SLC35B1: variants seen among roughly 807,000 people sequenced by gnomAD.
SLC35B1 encodes solute carrier family 35 member B1.
A neutral mutation model predicts 36.6 loss-of-function variants in SLC35B1; 27 were observed. That is an observed-to-expected ratio of 0.74 (90% CI 0.54 to 1.02). SLC35B1 has a LOEUF of 1.02. Ranked by LOEUF, SLC35B1 falls within the 50% of genes least tolerant of loss-of-function variation. SLC35B1 has a pLI of 0.00. For synonymous variants in SLC35B1, 162 were observed against 152.5 expected (o/e 1.06, Z -0.46); for missense variants, 321 against 383.2 (o/e 0.84, Z 1.35).
intron 5 of SLC35B1, 129 bp from the exon 6 acceptor site, chr17:49,704,355 GC>G: frequency 1.7e-6 from 2 of 1,201,836 alleles, no homozygotes; most frequent in South Asian, 1.5e-5. Context: ...ACAAAACGTT[GC>G]CATTTGGTCA....
intron 5 of SLC35B1, 125 bp from the exon 6 acceptor site, chr17:49,704,351 C>A: frequency 8.0e-7 from 1 of 1,246,424 alleles, no homozygotes; most frequent in Admixed American, 2.4e-5. Flanking sequence ...CAGAACAAAA[C>A]GTTGCCATTT....
At chr17:49,707,184 C>A in intron 1 of SLC35B1, 116 bp from the exon 2 acceptor site, 1 of 1,328,362 alleles carries the variant, frequency 7.5e-7, no homozygotes. Flanking sequence ...TGGATGTAGG[C>A]AGAGTTTGTT....
At position 49,703,024 on chromosome 17, in the gene SLC35B1, A is replaced by G; in HGVS notation, c.763-13T>C. On this transcript the variant is annotated splice_polypyrimidine_tract_variant and intron_variant, in intron 7 of 8. Coordinates refer to ENST00000240333, the MANE Select transcript of SLC35B1 (RefSeq NM_005827.4). ...TAAAGATGAAGCTCTAGAGAAAGATAAAGGTGAGGTCCGGTGGGCTTCTGG... is the reference window on the plus strand; with the variant it reads ...TAAAGATGAAGCTCTAGAGAAAGATGAAGGTGAGGTCCGGTGGGCTTCTGG... 6 of 1,614,034 alleles carry G rather than the reference A, an allele frequency of 3.7e-6. No individual in the cohort carries two copies. Among genetic ancestry groups the G allele is most frequent in the Non-Finnish European group, 5.1e-6 (6 of 1,180,000 alleles).
At position 49,703,174 on chromosome 17, in the gene SLC35B1, T is replaced by C; in HGVS notation, c.762+14A>G. On this transcript the variant is annotated intron_variant, in intron 7 of 8. Coordinates refer to ENST00000240333, the MANE Select transcript of SLC35B1 (RefSeq NM_005827.4). ...AGAGTAGGGAAGCCAAGCCATCCCC[T>C]TTCAAGCACTCACCTGACCCAGGGC... is the stretch of plus-strand genomic sequence containing the variant. The C allele has an allele frequency of 1.9e-6, 3 of 1,603,936 alleles. No homozygotes were observed. Among genetic ancestry groups the C allele is most frequent in the Non-Finnish European group, 2.6e-6 (3 of 1,170,832 alleles).
chr17:49,701,484 T>C lies in SLC35B1; in HGVS notation c.943A>G (p.Lys315Glu). 4 of 1,613,888 alleles carry C rather than the reference T, an allele frequency of 2.5e-6. No individual in the cohort carries two copies. The highest frequency in any genetic ancestry group is 3.4e-6 in the Non-Finnish European group (4 of 1,179,838). ...LGLGLDAKFG[K>E]GAKKTSH ...TAGTGGGATGTCTTCTTAGCTCCTT[T>C]CCCAAACTTGGCATCAAGACCAAGA... Residue 315 changes from lysine (K) to glutamate (E), a missense_variant, in exon 9 of 9, where the codon AAA becomes GAA. By Grantham distance (56) the Lys-to-Glu change is moderately conservative (BLOSUM62 1). Coordinates refer to ENST00000240333, the MANE Select transcript of SLC35B1 (RefSeq NM_005827.4).
At chr17:49,706,932 G>C (rs780904940) in intron 2 of SLC35B1, 33 bp downstream of exon 2, 1 of 1,495,830 alleles carries the variant, frequency 6.7e-7, no homozygotes, top group Non-Finnish European at 9.3e-7. Context: ...TGGGGTGGTG[G>C]GGTACCCAAC....
At position 49,702,877 on chromosome 17, in the gene SLC35B1, G is replaced by GCCCA. The variant is rs778050925; in HGVS notation, c.893_896dup (p.Thr300GlyfsTer12). The stretch of plus-strand genomic sequence containing the variant: ...ACTTACCCAGGAACACAAGCACAGT[G>GCCCA]CCCACCCACTGCATGGGGCTGATGG... On this transcript the variant is annotated frameshift_variant, in exon 8 of 9. Transcript: ENST00000240333. LOFTEE classifies it high-confidence loss of function. The GCCCA allele has an allele frequency of 1.2e-6, 2 of 1,614,162 alleles. No individual in the cohort carries two copies. The highest frequency in any genetic ancestry group is 1.7e-6 in the Non-Finnish European group (2 of 1,180,018).
At chr17:49,704,247 C>T in intron 5 of SLC35B1, 21 bp from the exon 6 acceptor site, 8 of 1,611,328 alleles carry the variant, frequency 5.0e-6, no homozygotes, top group Non-Finnish European at 5.9e-6. Flanking sequence ...AAGGGTGCAG[C>T]CTGCAGTGAA....
At chr17:49,701,850 G>A (rs1229663025) in intron 8 of SLC35B1, 1 of 347,162 alleles carries the variant, frequency 2.9e-6, no homozygotes, top group Non-Finnish European at 5.7e-6. Flanking sequence ...AGCATTTTGG[G>A]AGACTGAGGC....
In SLC35B1 at chr17:49,705,151, G is replaced by A; in HGVS notation, c.501C>T (p.His167=). 6.2e-7 allele frequency: 1 copy of A among 1,614,152 alleles called. No homozygotes were observed. The highest frequency in any genetic ancestry group is 8.5e-7 in the Non-Finnish European group (1 of 1,180,032). ...AGAGTAGCTCTCCATAGCCGACTGT[G>A]TGTTCTTCTATCCCAACAACTTTCT... ...KPKKVVGIEE[H]TVGYGELLLL... is the part of the protein sequence containing the mutation. The change falls in exon 5 of 9, where the codon CAC becomes CAT. Residue 167 remains histidine (H), a synonymous_variant. Coordinates refer to ENST00000240333, the MANE Select transcript of SLC35B1 (RefSeq NM_005827.4).
intron 5 of SLC35B1, among the ~76,000 whole-genome samples, chr17:49,704,481 C>T (rs1393813471): frequency 3.5e-5 from 5 of 143,292 alleles, no homozygotes; most frequent in Non-Finnish European, 7.5e-5. Context: ...CAGAGTAGAG[C>T]AGGAAGCTCA....
In SLC35B1 at chr17:49,705,872, T is replaced by C. The variant is rs1401847468; in HGVS notation, c.364A>G (p.Ile122Val). Reference protein sequence around the residue: ...TQVLGKSCKPIPVMLLGVTLL... With the variant: ...TQVLGKSCKPVPVMLLGVTLL... ...GACCATCTTCTTTGCTTACCTGGGATTGGCTTGCAGGATTTACCAAGGACC... is the reference window on the plus strand; with the variant it reads ...GACCATCTTCTTTGCTTACCTGGGACTGGCTTGCAGGATTTACCAAGGACC... Residue 122 changes from isoleucine to valine, a missense_variant, in exon 4 of 9, where the codon ATC becomes GTC. Transcript: ENST00000240333. 4 of 1,613,960 alleles carry C rather than the reference T, an allele frequency of 2.5e-6. No homozygotes were observed. Among genetic ancestry groups the C allele is most frequent in the Non-Finnish European group, 3.4e-6 (4 of 1,179,978 alleles).
intron 8 of SLC35B1, 114 bp downstream of exon 8, chr17:49,702,744 C>T: frequency 6.6e-6 from 8 of 1,211,044 alleles, no homozygotes; most frequent in South Asian, 1.6e-5. Context: ...GAAACTCCGT[C>T]TCAAAAAAAA....
Position 49,706,346 on chromosome 17 carries a change from CAAAAAAA to C in SLC35B1, c.209-19_209-13del, listed in dbSNP as rs61136804. The C allele has an allele frequency of 1.1e-4, 83 of 733,366 alleles. No homozygotes were observed. Among genetic ancestry groups the C allele is most frequent in the Admixed American group, 1.9e-4 (2 of 10,498 alleles). The allele number at this position is 733,366 out of a possible 1,614,324, so 45.4% of individuals were successfully genotyped here. On this transcript the variant is annotated splice_polypyrimidine_tract_variant and intron_variant, in intron 2 of 8. Transcript: ENST00000240333. The stretch of plus-strand genomic sequence containing the variant: ...AAAAAACTGGATCACTGGGAGAAGA[CAAAAAAA>C]AAAAAAAAAAAAGAAAAGAAAAGAA...
chr17:49,707,130 A>C, intron 1 of SLC35B1, 62 bp from the exon 2 acceptor site: 1 of 1,454,494 alleles, frequency 6.9e-7, no homozygotes, highest in East Asian at 2.3e-5. Flanking sequence ...CTGTCATCTA[A>C]TATATCCCGA....
chr17:49,703,690 T>C (rs1331408956), intron 6 of SLC35B1: 1 of 319,814 alleles, frequency 3.1e-6, no homozygotes, highest in Non-Finnish European at 6.0e-6. Flanking sequence ...TAAAAAATAC[T>C]TTCTACATGT....
At chr17:49,707,237 G>T in intron 1 of SLC35B1, 169 bp from the exon 2 acceptor site, 1 of 1,397,634 alleles carries the variant, frequency 7.2e-7, no homozygotes, top group South Asian at 1.3e-5. Flanking sequence ...GATTTTACTG[G>T]ATCTAGAAAC....
intron 1 of SLC35B1, chr17:49,707,412 T>C: frequency 6.9e-7 from 1 of 1,441,556 alleles, no homozygotes; most frequent in Non-Finnish European, 9.2e-7. Flanking sequence ...TTTGCAAGCA[T>C]CTGGGAGTAC....
intron 2 of SLC35B1, 42 bp from the exon 3 acceptor site, chr17:49,706,376 G>GAAAAAAAAAAA (rs376610823): frequency 1.2e-4 from 62 of 521,228 alleles, no homozygotes; most frequent in South Asian, 9.2e-4. Context: ...GAAAAGAAAA[G>GAAAAAAAAAAA]AAAAAAAAAA....
Sources: gnomAD v4.1 joint callset for allele counts (sites outside exome capture counted in the v4.1 genomes callset) on GRCh38, gnomAD v4.1.1 for gene constraint, MANE v1.5 for transcripts, NCBI Gene and HGNC (gene_info 2026-07-23, HGNC 2026-07-21) for gene names.